C1GALT1: variants seen among roughly 807,000 people sequenced by gnomAD.
C1GALT1 encodes the protein glycoprotein-N-acetylgalactosamine 3-beta-galactosyltransferase 1.
A neutral mutation model predicts 31.0 loss-of-function variants in C1GALT1; 11 were observed. The ratio of observed to expected loss-of-function variants is 0.36; its 90% CI spans 0.22 to 0.59. The LOEUF (loss-of-function observed/expected upper bound fraction) is 0.59, where lower values mean the gene tolerates loss of function less well. Among genes scored for constraint, C1GALT1 ranks in the 20% least tolerant of loss-of-function variants. The probability of loss-of-function intolerance (pLI) is 0.79; values close to 1 mark genes in which losing one functional copy is unlikely to be tolerated. For missense variants in C1GALT1, 424 were observed against 425.2 expected (o/e 1.00, Z 0.03); for synonymous variants, 175 against 143.6 (o/e 1.22, Z -1.56).
In C1GALT1 at chr7:7,238,606, C is replaced by G; in HGVS notation, c.572C>G (p.Pro191Arg). 1 of 1,613,970 alleles carries G rather than the reference C, an allele frequency of 6.2e-7. No homozygotes were observed. The highest frequency in any genetic ancestry group is 2.2e-5 in the East Asian group (1 of 44,872). ...CTTTCAAAATACGACCCTGAAGAACCCATTTACTTTGGGAGAAGATTTAAG... is the reference window on the plus strand; with the variant it reads ...CTTTCAAAATACGACCCTGAAGAACGCATTTACTTTGGGAGAAGATTTAAG... ...WLLSKYDPEE[P>R]IYFGRRFKPY... Residue 191 changes from proline to arginine, a missense_variant, in exon 3 of 4, where the codon CCC (proline) becomes CGC (arginine). By Grantham distance (103) the Pro-to-Arg change is moderately radical. Transcript: ENST00000436587. The surrounding 1 kb of genome is among the most constrained non-coding windows in gnomAD (Gnocchi z 5.2).
At position 7,231,805 on chromosome 7, in the gene C1GALT1, G is replaced by A. The variant is rs539822742; in HGVS notation, c.-17-2498G>A. On this transcript the variant is annotated intron_variant, in intron 1 of 3. Coordinates refer to ENST00000436587, the MANE Select transcript of C1GALT1 (RefSeq NM_020156.5). ...GTTGTATACCAAAAAAAAAAAAGTC[G>A]TCATGATAATTTGAGGTTCTTCATG... is the stretch of plus-strand genomic sequence containing the variant. Among the ~76,000 whole-genome samples the A allele has an allele frequency of 7.9e-5, 12 of 151,208 alleles. No homozygotes were observed. The South Asian group carries it at 8.3e-4, about 11-fold the overall frequency.
intron 2 of C1GALT1, among the ~76,000 whole-genome samples, chr7:7,163,799 G>A (rs1457517378): frequency 6.6e-6 from 1 of 152,002 alleles, no homozygotes. Flanking sequence ...ACAAACCACT[G>A]CTCAAGGAAA....
chr7:7,228,375 C>T (rs1016183477), intron 1 of C1GALT1, among the ~76,000 whole-genome samples: 1 of 152,198 alleles, frequency 6.6e-6, no homozygotes, highest in Non-Finnish European at 1.5e-5. Flanking sequence ...AAAATATCCT[C>T]AAGCGATTCT....
chr7:7,178,796 C>G (rs1780535903), upstream of C1GALT1, among the ~76,000 whole-genome samples: 2 of 152,188 alleles, frequency 1.3e-5, no homozygotes, highest in African/African-American at 4.8e-5. Context: ...GTGCTAGGCT[C>G]TATTATATCC....
At position 7,238,705 on chromosome 7, in the gene C1GALT1, T is replaced by C. The variant is rs765069549; in HGVS notation, c.671T>C (p.Val224Ala). 6.2e-7 allele frequency: 1 copy of C among 1,614,060 alleles called. No individual in the cohort carries two copies. The highest frequency in any genetic ancestry group is 8.5e-7 in the Non-Finnish European group (1 of 1,179,952). The change falls in exon 3 of 4, where the codon GTT becomes GCT. Residue 224 changes from valine to alanine, a missense_variant. Physicochemically the swap from Val to Ala is moderately conservative, Grantham distance 64. Transcript: ENST00000436587. The surrounding 1 kb of genome is among the most constrained non-coding windows in gnomAD (Gnocchi z 5.2). ...VLSKEALKRF[V>A]DAFKTDKCTH... Reference sequence around the variant, plus strand: ...AGCAAAGAAGCCTTGAAAAGATTTGTTGATGCATTTAAAACAGACAAGTGT... The same window carrying C: ...AGCAAAGAAGCCTTGAAAAGATTTGCTGATGCATTTAAAACAGACAAGTGT...
intron 2 of C1GALT1, among the ~76,000 whole-genome samples, chr7:7,161,644 G>A (rs1190494666): frequency 6.6e-6 from 1 of 151,994 alleles, no homozygotes; most frequent in African/African-American, 2.4e-5. Context: ...TTACAAAGTT[G>A]AGGACCATGA....
In C1GALT1 at chr7:7,207,210, C is replaced by G. The variant is rs147216777; in HGVS notation, c.-18+24390C>G. Among the ~76,000 whole-genome samples the G allele has an allele frequency of 5.5e-3, 843 of 151,980 alleles. 6 individuals carry two copies. Among genetic ancestry groups the G allele is most frequent in the African/African-American group, 0.019 (782 of 41,454 alleles). ...AAGTTCACTGATTCTTTTTTTCTTCCTGTCTAGATCTGCCTTTCAGTCTCT... is the reference window on the plus strand; with the variant it reads ...AAGTTCACTGATTCTTTTTTTCTTCGTGTCTAGATCTGCCTTTCAGTCTCT... On this transcript the variant is annotated intron_variant, in intron 1 of 3. Transcript: ENST00000436587.
At chr7:7,237,963 A>C (rs954112217) in intron 2 of C1GALT1, among the ~76,000 whole-genome samples, 2 of 152,200 alleles carry the variant, frequency 1.3e-5, no homozygotes, top group African/African-American at 2.4e-5. Flanking sequence ...CATTTCTAAC[A>C]GGCTCCCAGG....
chr7:7,187,088 G>C (rs1780848710), intron 1 of C1GALT1, among the ~76,000 whole-genome samples: 1 of 152,168 alleles, frequency 6.6e-6, no homozygotes, highest in Non-Finnish European at 1.5e-5. Context: ...CAGAGAGGTT[G>C]CTCAGACCAG....
At chr7:7,241,407 T>G (rs1407969473) in intron 3 of C1GALT1, among the ~76,000 whole-genome samples, 1 of 152,064 alleles carries the variant, frequency 6.6e-6, no homozygotes, top group Non-Finnish European at 1.5e-5. Context: ...CATATTGTTT[T>G]GAACCTTGTA....
At chr7:7,191,559 T>C (rs1300510743) in intron 1 of C1GALT1, among the ~76,000 whole-genome samples, 1 of 152,136 alleles carries the variant, frequency 6.6e-6, no homozygotes, top group Non-Finnish European at 1.5e-5. Context: ...TTCATACTGT[T>C]TTCCATAGCA....
At chr7:7,176,017 G>A (rs1780503197) in intron 2 of C1GALT1, among the ~76,000 whole-genome samples, 1 of 152,142 alleles carries the variant, frequency 6.6e-6, no homozygotes, top group Non-Finnish European at 1.5e-5. Context: ...CCAGAGGTTT[G>A]TATGCCTGGA....
At chr7:7,185,402 C>G (rs143945621) in intron 1 of C1GALT1, among the ~76,000 whole-genome samples, 2 of 152,114 alleles carry the variant, frequency 1.3e-5, no homozygotes, top group East Asian at 1.9e-4. Context: ...TAACAAAATA[C>G]GACAAACTGG....
rs189924066 is a variant in C1GALT1 at position 7,212,738 on chromosome 7, A to G, written c.-17-21565A>G. Among the ~76,000 whole-genome samples, 226 of 152,236 alleles carry G rather than the reference A, an allele frequency of 1.5e-3. 4 individuals carry two copies. The highest frequency in any genetic ancestry group is 0.012 in the Admixed American group (178 of 15,298). ...GATGGATGTTGCAAAGTACATTCACAAGGGCGGGGAGGAATGTTTCAGAGT... is the reference window on the plus strand; with the variant it reads ...GATGGATGTTGCAAAGTACATTCACGAGGGCGGGGAGGAATGTTTCAGAGT... On this transcript the variant is annotated intron_variant, in intron 1 of 3. Coordinates refer to ENST00000436587, the MANE Select transcript of C1GALT1 (RefSeq NM_020156.5).
At chr7:7,215,627 G>A (rs2159192) in intron 1 of C1GALT1, among the ~76,000 whole-genome samples, 24,857 of 152,012 alleles carry the variant, frequency 0.16, 2,354 homozygotes, top group East Asian at 0.36. Context: ...TTTTCAAGAA[G>A]TATTGCCTCT....
At chr7:7,193,585 A>G (rs910595758) in intron 1 of C1GALT1, among the ~76,000 whole-genome samples, 41 of 152,162 alleles carry the variant, frequency 2.7e-4, no homozygotes, top group African/African-American at 8.7e-4. Flanking sequence ...GAAGTCGGGT[A>G]ATGTGATACA....
chr7:7,159,235 G>T (rs1011055015), intron 2 of C1GALT1, among the ~76,000 whole-genome samples: 1 of 152,238 alleles, frequency 6.6e-6, no homozygotes. Flanking sequence ...TTGGCACAGA[G>T]CCAGAAAGAG....
chr7:7,204,820 C>A (rs1249349348), intron 1 of C1GALT1, among the ~76,000 whole-genome samples: 3 of 152,056 alleles, frequency 2.0e-5, no homozygotes, highest in Non-Finnish European at 4.4e-5. Context: ...TGTTTGATTT[C>A]CACGCATTTG....
At chr7:7,189,537 T>A (rs757381156) in intron 1 of C1GALT1, among the ~76,000 whole-genome samples, 1 of 152,170 alleles carries the variant, frequency 6.6e-6, no homozygotes, top group East Asian at 1.9e-4. Context: ...GACCATTTTT[T>A]ACTGTGAATC....
Sources: allele counts gnomAD v4.1 joint callset (sites outside exome capture counted in the v4.1 genomes callset), GRCh38; gene constraint gnomAD v4.1.1; non-coding constraint Gnocchi (gnomAD v3.1); transcripts MANE v1.5; gene names NCBI Gene and HGNC (gene_info 2026-07-23, HGNC 2026-07-21).